The following IQSEC1 variants were observed in gnomAD, a reference collection of about 807,000 sequenced individuals.
IQSEC1 encodes the protein IQ motif and SEC7 domain-containing protein 1.
In IQSEC1, 31 loss-of-function variants were observed where a neutral mutation model predicts 91.0. The ratio of observed to expected loss-of-function variants is 0.34; its 90% CI spans 0.26 to 0.46. IQSEC1 has a LOEUF of 0.46. Among genes scored for constraint, IQSEC1 ranks in the 20% least tolerant of loss-of-function variants. The probability of loss-of-function intolerance (pLI) is 1.00; values close to 1 mark genes in which losing one functional copy is unlikely to be tolerated. For missense variants in IQSEC1, 1,388 were observed against 1,575.6 expected, an observed-to-expected ratio of 0.88 and a Z score of 2.02; for synonymous variants, 699 against 662.6, an observed-to-expected ratio of 1.05 and a Z score of -0.84.
intron 1 of IQSEC1, among the ~76,000 whole-genome samples, chr3:13,009,032 C>T (rs1452484362): frequency 1.3e-5 from 2 of 152,236 alleles, no homozygotes; most frequent in Non-Finnish European, 2.9e-5. Context: ...AGATCGACAG[C>T]CCTTTTCCTC....
rs766638538 is a variant in IQSEC1, at chr3:12,920,547, G to A, written c.1903C>T (p.Pro635Ser). The change falls in exon 6 of 14, where the codon CCA becomes TCA. Residue 635 changes from proline (P) to serine (S), a missense_variant. Transcript: ENST00000613206. The stretch of plus-strand genomic sequence containing the variant: ...AAGGCCAGGATGAAAATGGTGTCTG[G>A]GTTCCGGAATTGCCGCACCACCCCA... Reference protein sequence around the residue: ...NPGVVRQFRNPDTIFILAFAI... With the variant: ...NPGVVRQFRNSDTIFILAFAI... 6.2e-7 allele frequency: 1 copy of A among 1,614,178 alleles called. No individual in the cohort carries two copies. The highest frequency in any genetic ancestry group is 8.5e-7 in the Non-Finnish European group (1 of 1,180,016).
In IQSEC1 at chr3:12,983,641, C is replaced by T. The variant is rs904851999; in HGVS notation, c.24-41776G>A. Among the ~76,000 whole-genome samples the T allele has an allele frequency of 2.6e-5, 4 of 152,186 alleles. No homozygotes were observed. Among genetic ancestry groups the T allele is most frequent in the African/African-American group, 9.7e-5 (4 of 41,436 alleles). Reference sequence around the variant, plus strand: ...CCCCGATTCCACCTTCTTGGCTCAGCTCCTTCAGGGACGCCTGGGCTGACC... The same window carrying T: ...CCCCGATTCCACCTTCTTGGCTCAGTTCCTTCAGGGACGCCTGGGCTGACC... On this transcript the variant is annotated intron_variant, in intron 1 of 13. Transcript: ENST00000613206. This position sits in a 1 kb window ranked among gnomAD's most constrained non-coding sequence, Gnocchi z 4.3.
At chr3:12,988,432 A>C (rs916338766) in intron 1 of IQSEC1, among the ~76,000 whole-genome samples, 22 of 152,156 alleles carry the variant, frequency 1.4e-4, no homozygotes, top group African/African-American at 5.3e-4. Flanking sequence ...TAAAAATAAA[A>C]ATAAAAATAA....
At chr3:13,225,705 G>A (rs1694740988) in intron 1 of IQSEC1, among the ~76,000 whole-genome samples, 1 of 152,194 alleles carries the variant, frequency 6.6e-6, no homozygotes, top group Non-Finnish European at 1.5e-5. Context: ...CACTTCTAAG[G>A]ACTCTGAGAA....
At chr3:13,133,060 A>G (rs1706647243) in intron 2 of IQSEC1, among the ~76,000 whole-genome samples, 4 of 152,252 alleles carry the variant, frequency 2.6e-5, no homozygotes, top group Admixed American at 2.6e-4. Flanking sequence ...TGAAGCACAG[A>G]GGTAACACCA....
chr3:12,917,587 C>T (rs190762348), intron 6 of IQSEC1, among the ~76,000 whole-genome samples: 7 of 152,338 alleles, frequency 4.6e-5, no homozygotes, highest in East Asian at 1.9e-4. Flanking sequence ...ACTTCTCTTT[C>T]GTGCTGAGCA....
intron 1 of IQSEC1, among the ~76,000 whole-genome samples, chr3:12,955,970 G>C (rs1439197214): frequency 6.6e-6 from 1 of 152,224 alleles, no homozygotes; most frequent in East Asian, 1.9e-4. Flanking sequence ...CCCAAACAGT[G>C]TTTCAAAAAC....
At chr3:13,251,055 C>T (rs2125116231) in intron 1 of IQSEC1, among the ~76,000 whole-genome samples, 1 of 152,312 alleles carries the variant, frequency 6.6e-6, no homozygotes, top group Admixed American at 6.5e-5. Context: ...TCCTCTTACC[C>T]TCCCCCGGCT....
intron 1 of IQSEC1, among the ~76,000 whole-genome samples, chr3:12,993,914 G>T (rs558407859): frequency 5.3e-5 from 8 of 150,942 alleles, no homozygotes; most frequent in African/African-American, 1.7e-4. Flanking sequence ...GCGCGCCCCA[G>T]GTTCCCGAGA....
At chr3:13,089,229 C>T (rs1705794570) in intron 2 of IQSEC1, among the ~76,000 whole-genome samples, 1 of 152,240 alleles carries the variant, frequency 6.6e-6, no homozygotes, top group Non-Finnish European at 1.5e-5. Flanking sequence ...TGTGCATCAA[C>T]AGATGATGGA....
intron 3 of IQSEC1, among the ~76,000 whole-genome samples, chr3:12,933,945 G>GTC (rs1483390469): frequency 6.6e-6 from 1 of 152,198 alleles, no homozygotes; most frequent in Non-Finnish European, 1.5e-5. Context: ...CTGGTTTCCT[G>GTC]TCTCCCCACT....
intron 1 of IQSEC1, among the ~76,000 whole-genome samples, chr3:12,946,840 C>A (rs1699213130): frequency 6.6e-6 from 1 of 152,200 alleles, no homozygotes; most frequent in Non-Finnish European, 1.5e-5. Flanking sequence ...TGTCTGGGGG[C>A]TGCACAGACA....
intron 1 of IQSEC1, 121 bp downstream of exon 1, chr3:13,072,871 T>A (rs1268433984): frequency 8.0e-6 from 7 of 880,132 alleles, no homozygotes; most frequent in Non-Finnish European, 1.3e-5. Context: ...GCCAGCTCCC[T>A]CTGCAAGTCA....
intron 2 of IQSEC1, among the ~76,000 whole-genome samples, chr3:13,153,159 G>A (rs2124964019): frequency 6.6e-6 from 1 of 151,726 alleles, no homozygotes; most frequent in South Asian, 2.1e-4. Flanking sequence ...CCTCTCTCAG[G>A]GCTGACCCCC....
chr3:13,202,620 G>A (rs1282685444), intron 1 of IQSEC1, among the ~76,000 whole-genome samples: 2 of 152,178 alleles, frequency 1.3e-5, no homozygotes, highest in Non-Finnish European at 2.9e-5. Flanking sequence ...GGGTGCCTGG[G>A]GCTGGGGGAG....
At chr3:13,265,569 C>G (rs868403822) in intron 1 of IQSEC1, among the ~76,000 whole-genome samples, 1 of 152,142 alleles carries the variant, frequency 6.6e-6, no homozygotes, top group Non-Finnish European at 1.5e-5. Flanking sequence ...TGGCAGTGGG[C>G]AGTCCAGGCT....
At chr3:13,185,848 A>G (rs538194767) in intron 1 of IQSEC1, among the ~76,000 whole-genome samples, 1 of 152,390 alleles carries the variant, frequency 6.6e-6, no homozygotes, top group South Asian at 2.1e-4. Flanking sequence ...TCCATCCTGG[A>G]TGCCACTGGC....
rs1695196209 is a variant in IQSEC1, at chr3:12,908,236, G to A, written c.2755+113C>T. 7 of 1,117,356 alleles carry A rather than the reference G, an allele frequency of 6.3e-6. No homozygotes were observed. The highest frequency in any genetic ancestry group is 5.0e-5 in the East Asian group (2 of 39,606). The allele number at this position is 1,117,356 out of a possible 1,614,324, so 69.2% of individuals were successfully genotyped here. A position where few individuals can be genotyped will look rare whatever the true frequency, so the allele number is the denominator to read the frequency against. On this transcript the variant is annotated intron_variant, in intron 12 of 13. Transcript: ENST00000613206. This position sits in a 1 kb window ranked among gnomAD's most constrained non-coding sequence, Gnocchi z 4.9. ...TTTGCGGAAGGTCAGGGGAAATGCC[G>A]CACTGGCTTCGCCGCAGGCCCTGCC...
intron 3 of IQSEC1, among the ~76,000 whole-genome samples, chr3:12,925,539 C>T (rs1022093138): frequency 3.9e-5 from 6 of 152,204 alleles, no homozygotes; most frequent in Non-Finnish European, 1.5e-5. Context: ...TATGCCGAGT[C>T]CTAATTCATG....
Sources: gnomAD v4.1 joint callset for allele counts (sites outside exome capture counted in the v4.1 genomes callset) on GRCh38, gnomAD v4.1.1 for gene constraint, Gnocchi (gnomAD v3.1) non-coding constraint, MANE v1.5 for transcripts, NCBI Gene and HGNC (gene_info 2026-07-23, HGNC 2026-07-21) for gene names.